The following HEMK2 variants were observed in gnomAD, a reference collection of about 807,000 sequenced individuals.
The protein encoded by HEMK2 is HemK methyltransferase 2, ETF1 glutamine and histone H4 lysine.
chr21:28,698,500 C>T, the HEMK2 span, among the ~76,000 whole-genome samples: 26 of 151,986 alleles, frequency 1.7e-4, no homozygotes, highest in African/African-American at 4.4e-4. Context: ...GGTCCTATCC[C>T]CCCTCAAGCG....
At chr21:28,819,652 T>C in the HEMK2 span, among the ~76,000 whole-genome samples, 346 of 150,466 alleles carry the variant, frequency 2.3e-3, 4 homozygotes, top group African/African-American at 8.1e-3. Context: ...GTTCAAGCGA[T>C]TCTCCTGCCT....
chr21:28,615,690 G>A, the HEMK2 span, among the ~76,000 whole-genome samples: 1 of 152,122 alleles, frequency 6.6e-6, no homozygotes, highest in East Asian at 1.9e-4. Flanking sequence ...TCTTGTACTG[G>A]AAAACCCAAA....
chr21:28,763,259 C>T, the HEMK2 span, among the ~76,000 whole-genome samples: 55 of 152,064 alleles, frequency 3.6e-4, no homozygotes, highest in Non-Finnish European at 6.6e-4. Flanking sequence ...GTTTAATTGG[C>T]TTATGGTTCT....
chr21:28,733,670 G>C, the HEMK2 span, among the ~76,000 whole-genome samples: 19 of 151,104 alleles, frequency 1.3e-4, no homozygotes, highest in Admixed American at 6.6e-4. Context: ...TCACACACAG[G>C]AGTTTTGCCC....
the HEMK2 span, among the ~76,000 whole-genome samples, chr21:28,778,495 A>G: frequency 6.6e-6 from 1 of 152,216 alleles, no homozygotes; most frequent in Non-Finnish European, 1.5e-5. Context: ...TTTTATAAGT[A>G]AGAGACTACG....
At chr21:28,685,307 G>A in the HEMK2 span, among the ~76,000 whole-genome samples, 4 of 151,626 alleles carry the variant, frequency 2.6e-5, no homozygotes, top group African/African-American at 9.7e-5. Flanking sequence ...ACTATGATAT[G>A]TATTTCATCT....
the HEMK2 span, among the ~76,000 whole-genome samples, chr21:28,615,052 C>A: frequency 6.6e-6 from 1 of 151,962 alleles, no homozygotes; most frequent in Admixed American, 6.6e-5. Context: ...TAGGAATGTC[C>A]CAGCATGGTG....
the HEMK2 span, among the ~76,000 whole-genome samples, chr21:28,831,482 A>G: frequency 1.4e-3 from 76 of 54,204 alleles, no homozygotes; most frequent in African/African-American, 6.6e-3. Flanking sequence ...AAAGAAAGAA[A>G]GAAAGAAAGA....
the HEMK2 span, among the ~76,000 whole-genome samples, chr21:28,798,803 C>T: frequency 3.9e-5 from 6 of 152,172 alleles, no homozygotes; most frequent in Admixed American, 1.3e-4. Context: ...AGTGTGTTAA[C>T]GACACAAATC....
the HEMK2 span, among the ~76,000 whole-genome samples, chr21:28,717,185 AT>A: frequency 6.6e-6 from 1 of 152,068 alleles, no homozygotes; most frequent in African/African-American, 2.4e-5. Context: ...TTTCAGTAGG[AT>A]TGGGACCAGC....
the HEMK2 span, among the ~76,000 whole-genome samples, chr21:28,812,100 G>A: frequency 0.013 from 1,970 of 152,218 alleles, 36 homozygotes; most frequent in African/African-American, 0.045. Context: ...AGATAGAAAC[G>A]AAAATTGCTG....
At chr21:28,848,779 C>T in the HEMK2 span, among the ~76,000 whole-genome samples, 5 of 152,124 alleles carry the variant, frequency 3.3e-5, no homozygotes, top group Non-Finnish European at 7.3e-5. Context: ...GTGTGAAATG[C>T]ATTTTTCCAC....
At chr21:28,851,232 C>T in the HEMK2 span, among the ~76,000 whole-genome samples, 2 of 152,188 alleles carry the variant, frequency 1.3e-5, no homozygotes, top group East Asian at 1.9e-4. Flanking sequence ...GTTTCACCTA[C>T]AGGGGCCTGC....
the HEMK2 span, among the ~76,000 whole-genome samples, chr21:28,710,284 A>C: frequency 6.6e-6 from 1 of 152,224 alleles, no homozygotes; most frequent in Admixed American, 6.5e-5. Flanking sequence ...ATAATGAATT[A>C]AACTGCTGGA....
At chr21:28,716,380 G>T in the HEMK2 span, among the ~76,000 whole-genome samples, 2,532 of 151,098 alleles carry the variant, frequency 0.017, 72 homozygotes, top group African/African-American at 0.057. Flanking sequence ...GTATTTTGTG[G>T]GTTTTTTTGT....
the HEMK2 span, among the ~76,000 whole-genome samples, chr21:28,881,775 G>A: frequency 1.3e-5 from 2 of 151,998 alleles, no homozygotes; most frequent in Admixed American, 6.6e-5. Context: ...GGCACGACAG[G>A]TGCGCACAAC....
At chr21:28,727,304 G>T in the HEMK2 span, among the ~76,000 whole-genome samples, 1 of 152,150 alleles carries the variant, frequency 6.6e-6, no homozygotes, top group Non-Finnish European at 1.5e-5. Context: ...TGGAATAATT[G>T]TATGGTCCCA....
chr21:28,695,974 T>TATA, the HEMK2 span, among the ~76,000 whole-genome samples: 3 of 151,442 alleles, frequency 2.0e-5, no homozygotes, highest in South Asian at 4.2e-4. Flanking sequence ...TCGGTAATTT[T>TATA]TATATATATA....
the HEMK2 span, among the ~76,000 whole-genome samples, chr21:28,777,711 G>A: frequency 6.6e-6 from 1 of 152,150 alleles, no homozygotes; most frequent in Non-Finnish European, 1.5e-5. Flanking sequence ...GACCTTTGTT[G>A]TTAGAATAAA....
Sources: allele counts gnomAD v4.1 joint callset (sites outside exome capture counted in the v4.1 genomes callset), GRCh38; gene constraint gnomAD v4.1.1; transcripts MANE v1.5; gene names NCBI Gene and HGNC (gene_info 2026-07-23, HGNC 2026-07-21).